The following TRPM3 variants were observed in gnomAD, a reference collection of about 807,000 sequenced individuals.
The protein encoded by TRPM3 is long transient receptor potential channel 3.
TRPM3 carries 77 observed loss-of-function variants against 181.2 expected under a neutral mutation model. The observed-to-expected ratio is 0.42, with a 90% CI of 0.35 to 0.51. The LOEUF is 0.51. Among genes scored for constraint, TRPM3 ranks in the 20% least tolerant of loss-of-function variants. The probability of loss-of-function intolerance (pLI) is 0.01; values close to 1 mark genes in which losing one functional copy is unlikely to be tolerated. For synonymous variants in TRPM3, 745 were observed against 796.4 expected (o/e 0.94, Z 1.09); for missense variants, 1,759 against 2,196.7 (o/e 0.80, Z 3.98).
chr9:70,919,644 C>T lies in TRPM3; in HGVS notation c.178-55133G>A, dbSNP rs1469320895. Among the ~76,000 whole-genome samples, 4 of 151,882 alleles carry T rather than the reference C, an allele frequency of 2.6e-5. No individual in the cohort carries two copies. In the East Asian group the frequency reaches 5.8e-4, roughly 22 times the overall value. On this transcript the variant is annotated intron_variant, in intron 1 of 25. Transcript: ENST00000677713. ...ATTAAAAATACAAAAATTAGCTGGG[C>T]GTGGTGGTGGGTGCCTATAATCCCA... is the stretch of plus-strand genomic sequence containing the variant.
rs761023416 is a variant in TRPM3 at position 70,827,873 on chromosome 9, T to C, written c.947A>G (p.His316Arg). ...EVKLRRQLEK[H>R]ISLQKINTRI... is the part of the protein sequence containing the mutation. ...TGTGTTTATCTTCTGGAGTGAAATA[T>C]GCTTTTCCAGTTGTCTTCGAAGTTT... Residue 316 changes from histidine to arginine, a missense_variant, in exon 6 of 26, where the codon CAT (histidine) becomes CGT (arginine). By Grantham distance (29) the His-to-Arg change is conservative (BLOSUM62 0). Coordinates refer to ENST00000677713, the MANE Select transcript of TRPM3 (RefSeq NM_001366145.2). 2.7e-5 allele frequency: 44 copies of C among 1,614,040 alleles called. No homozygotes were observed. Among genetic ancestry groups the C allele is most frequent in the Non-Finnish European group, 3.3e-5 (39 of 1,179,982 alleles).
At position 70,626,288 on chromosome 9, in the gene TRPM3, T is replaced by C. The variant is rs561023240; in HGVS notation, c.1633-771A>G. On this transcript the variant is annotated intron_variant, in intron 12 of 25. Coordinates refer to ENST00000677713, the MANE Select transcript of TRPM3 (RefSeq NM_001366145.2). ...AGTGCATAGTGAATTCCAAAGGTCA[T>C]GATTAATCCACTCTCACTGCCTGGT... 2.6e-5 allele frequency among the ~76,000 whole-genome samples: 4 copies of C among 152,324 alleles called. No homozygotes were observed. The East Asian group carries it at 5.8e-4, about 22-fold the overall frequency.
chr9:71,220,516 A>G (rs1472469909), intron 1 of TRPM3, among the ~76,000 whole-genome samples: 1 of 151,982 alleles, frequency 6.6e-6, no homozygotes, highest in East Asian at 1.9e-4. Context: ...TTCTTATCCT[A>G]TTTTGAGATT....
At chr9:71,366,042 G>A (rs1168527968) in intron 1 of TRPM3, among the ~76,000 whole-genome samples, 2 of 152,046 alleles carry the variant, frequency 1.3e-5, no homozygotes, top group Non-Finnish European at 2.9e-5. Flanking sequence ...AATAAAATGA[G>A]GTGAAGGCTG....
intron 1 of TRPM3, among the ~76,000 whole-genome samples, chr9:71,285,334 G>C (rs551716364): frequency 6.6e-6 from 1 of 152,150 alleles, no homozygotes; most frequent in Non-Finnish European, 1.5e-5. Context: ...CCACTAGAGG[G>C]TCGTAGCTGC....
chr9:70,748,306 G>A (rs997944736), intron 8 of TRPM3, among the ~76,000 whole-genome samples: 2 of 152,104 alleles, frequency 1.3e-5, no homozygotes, highest in Non-Finnish European at 2.9e-5. Flanking sequence ...AGAATGTGGT[G>A]TTAATGAGGT....
At chr9:70,862,553 A>T (rs2095549378) in intron 3 of TRPM3, among the ~76,000 whole-genome samples, 2 of 152,216 alleles carry the variant, frequency 1.3e-5, no homozygotes, top group Non-Finnish European at 2.9e-5. Flanking sequence ...AAGGGATAAA[A>T]AAAGGAGTTA....
chr9:70,613,869 C>A (rs1158073210), intron 18 of TRPM3, among the ~76,000 whole-genome samples: 1 of 152,104 alleles, frequency 6.6e-6, no homozygotes, highest in African/African-American at 2.4e-5. Context: ...AAGCTACCTC[C>A]CTTTGCTTTC....
At chr9:71,146,301 C>T (rs2075404560) in intron 1 of TRPM3, among the ~76,000 whole-genome samples, 1 of 152,086 alleles carries the variant, frequency 6.6e-6, no homozygotes, top group African/African-American at 2.4e-5. Context: ...GCCAAAGCCC[C>T]TAGCTTGCCA....
intron 25 of TRPM3, among the ~76,000 whole-genome samples, chr9:70,546,137 A>T (rs1350769745): frequency 2.0e-5 from 3 of 152,206 alleles, no homozygotes; most frequent in Non-Finnish European, 4.4e-5. Context: ...CAAATGTAAG[A>T]TGCCAGGATT....
intron 9 of TRPM3, among the ~76,000 whole-genome samples, chr9:70,674,726 T>TTTTC (rs2063659777): frequency 7.1e-6 from 1 of 141,646 alleles, no homozygotes; most frequent in Non-Finnish European, 1.5e-5. Flanking sequence ...TTCAGGCTAT[T>TTTTC]TTTTTTTTTT....
chr9:70,635,193 A>C lies in TRPM3; in HGVS notation c.1632+18T>G, dbSNP rs1259264480. The C allele has an allele frequency of 6.2e-7, 1 of 1,612,586 alleles. No individual in the cohort carries two copies. Among genetic ancestry groups the C allele is most frequent in the Middle Eastern group, 1.7e-4 (1 of 6,058 alleles). ...AGTCAAGACAGGGCCTCCGACCTGCAGTCGAGAGGGTTCTTACCTTTTTGA... is the reference window on the plus strand; with the variant it reads ...AGTCAAGACAGGGCCTCCGACCTGCCGTCGAGAGGGTTCTTACCTTTTTGA... On this transcript the variant is annotated intron_variant, in intron 12 of 25. Coordinates refer to ENST00000677713, the MANE Select transcript of TRPM3 (RefSeq NM_001366145.2).
intron 1 of TRPM3, among the ~76,000 whole-genome samples, chr9:71,406,871 C>G (rs1453774429): frequency 1.3e-5 from 2 of 152,016 alleles, no homozygotes; most frequent in Admixed American, 1.3e-4. Flanking sequence ...TAAGGGTACA[C>G]GTTTAGAGCA....
intron 1 of TRPM3, among the ~76,000 whole-genome samples, chr9:71,202,097 C>T (rs2078835386): frequency 6.6e-6 from 1 of 152,168 alleles, no homozygotes; most frequent in South Asian, 2.1e-4. Context: ...AGGTCCACTC[C>T]AGACCCTGTT....
At chr9:71,168,552 A>ATT (rs2076657096) in intron 1 of TRPM3, among the ~76,000 whole-genome samples, 1 of 43,080 alleles carries the variant, frequency 2.3e-5, no homozygotes, top group Non-Finnish European at 5.1e-5. Context: ...TTATTTATTT[A>ATT]TTTATTTATT....
intron 1 of TRPM3, among the ~76,000 whole-genome samples, chr9:71,270,074 T>G (rs962108784): frequency 6.6e-6 from 1 of 152,316 alleles, no homozygotes; most frequent in East Asian, 1.9e-4. Flanking sequence ...TATGTAGTCA[T>G]GCAGTTAATG....
chr9:70,667,690 T>C (rs925056559), intron 9 of TRPM3, among the ~76,000 whole-genome samples: 1 of 152,234 alleles, frequency 6.6e-6, no homozygotes. Context: ...TTTTTGTTTC[T>C]GGATGCCCCA....
At chr9:71,187,746 C>G (rs2077759234) in intron 1 of TRPM3, among the ~76,000 whole-genome samples, 1 of 151,798 alleles carries the variant, frequency 6.6e-6, no homozygotes, top group Admixed American at 6.6e-5. Flanking sequence ...CTGGCCACTC[C>G]TAATTTTGTT....
chr9:70,852,003 T>C (rs1589236397), intron 3 of TRPM3, among the ~76,000 whole-genome samples: 1 of 151,238 alleles, frequency 6.6e-6, no homozygotes, highest in African/African-American at 2.4e-5. Context: ...CCTGTAATCC[T>C]AGCTACTTGG....
Sources: gnomAD v4.1 joint callset for allele counts (sites outside exome capture counted in the v4.1 genomes callset) on GRCh38, gnomAD v4.1.1 for gene constraint, MANE v1.5 for transcripts, NCBI Gene and HGNC (gene_info 2026-07-23, HGNC 2026-07-21) for gene names.